Variants in PTPN21 observed in about 807,000 individuals in gnomAD.
PTPN21 encodes tyrosine-protein phosphatase non-receptor type 21.
Under a neutral mutation model 131.8 loss-of-function variants are expected in PTPN21, and 77 were observed. The ratio of observed to expected loss-of-function variants is 0.58; its 90% CI spans 0.49 to 0.71. The LOEUF is 0.71. PTPN21 is among the 30% of genes least tolerant of loss of function. PTPN21 has a pLI of 0.00. For missense variants in PTPN21, 1,552 were observed against 1,527.1 expected, an observed-to-expected ratio of 1.02 and a Z score of -0.27; for synonymous variants, 715 against 621.3, an observed-to-expected ratio of 1.15 and a Z score of -2.24.
intron 12 of PTPN21, among the ~76,000 whole-genome samples, chr14:88,482,570 G>A (rs1047095558): frequency 3.3e-5 from 5 of 152,012 alleles, no homozygotes; most frequent in African/African-American, 1.2e-4. Flanking sequence ...CTAAAATCAT[G>A]CCATTGCACT....
chr14:88,539,345 G>A lies in PTPN21; in HGVS notation c.180+10893C>T, dbSNP rs150282695. 2.9e-3 allele frequency among the ~76,000 whole-genome samples: 438 copies of A among 151,844 alleles called. 1 individual carries two copies. The highest frequency in any genetic ancestry group is 0.01 in the African/African-American group (418 of 41,360). ...ACTCAATGTAACCTCCACCTCTCAG[G>A]TTCAAGCGATTCTCCTGCCTCAGCC... is the stretch of plus-strand genomic sequence containing the variant. On this transcript the variant is annotated intron_variant, in intron 2 of 18. Transcript: ENST00000556564.
rs751609201 is a variant in PTPN21, at chr14:88,550,454, A to T, written c.-37T>A. 6.3e-7 allele frequency: 1 copy of T among 1,589,160 alleles called. No homozygotes were observed. Among genetic ancestry groups the T allele is most frequent in the Non-Finnish European group, 8.6e-7 (1 of 1,161,986 alleles). On this transcript the variant is annotated 5_prime_UTR_variant, in exon 2 of 19. Coordinates refer to ENST00000556564, the MANE Select transcript of PTPN21 (RefSeq NM_007039.4). ...TTCAAGAATGGAGGAGCAAAGAGGG[A>T]AAAGCTACCCCCACCAACCCAGCGC... is the stretch of plus-strand genomic sequence containing the variant.
Position 88,497,287 on chromosome 14 carries a change from C to A in PTPN21, c.768G>T (p.Trp256Cys). 6.2e-7 allele frequency: 1 copy of A among 1,611,754 alleles called. No homozygotes were observed. The highest frequency in any genetic ancestry group is 8.5e-7 in the Non-Finnish European group (1 of 1,177,962). Reference sequence around the variant, plus strand: ...TGTGGGACATGTTGGCAATGTCATGCCACCTAAAGAACAGCAAATAGAGAA... The same window carrying A: ...TGTGGGACATGTTGGCAATGTCATGACACCTAAAGAACAGCAAATAGAGAA... ...KNGRHPVVFR[W>C]HDIANMSHNK... The change falls in exon 9 of 19, where the codon TGG becomes TGT. Residue 256 changes from tryptophan (W) to cysteine (C), a missense_variant. Transcript: ENST00000556564.
At chr14:88,486,676 C>CT (rs1256461003) in intron 10 of PTPN21, among the ~76,000 whole-genome samples, 1 of 152,066 alleles carries the variant, frequency 6.6e-6, no homozygotes, top group Non-Finnish European at 1.5e-5. Context: ...TTTGAATATA[C>CT]TTTTTAAAAA....
chr14:88,480,016 A>T lies in PTPN21; in HGVS notation c.1415T>A (p.Leu472Gln). Residue 472 changes from leucine (L) to glutamine (Q), a missense_variant, in exon 13 of 19, where the codon CTG (leucine) becomes CAG (glutamine). Leu to Gln is a moderately radical substitution (Grantham distance 113). Transcript: ENST00000556564. The part of the protein sequence containing the change: ...LVHAERQSHS[L>Q]RNLNIGSSYA... ...CGAGCTGCCGATGTTGAGGTTTCGC[A>T]GCGAGTGGCTCTGCCGTTCCGCATG... is the stretch of plus-strand genomic sequence containing the variant. The T allele has an allele frequency of 6.2e-7, 1 of 1,613,514 alleles. No homozygotes were observed. The highest frequency in any genetic ancestry group is 1.3e-5 in the African/African-American group (1 of 75,038).
At chr14:88,531,417 C>G (rs546092301) in intron 2 of PTPN21, among the ~76,000 whole-genome samples, 1 of 152,004 alleles carries the variant, frequency 6.6e-6, no homozygotes, top group Non-Finnish European at 1.5e-5. Context: ...ATTAGCCAGG[C>G]ATGGTGGTGC....
chr14:88,478,654 T>C (rs943319982), intron 13 of PTPN21, among the ~76,000 whole-genome samples: 20 of 151,194 alleles, frequency 1.3e-4, no homozygotes, highest in African/African-American at 4.7e-4. Context: ...TCATTCATCT[T>C]TTCCATTTCG....
chr14:88,517,258 T>C lies in PTPN21; in HGVS notation c.184A>G (p.Thr62Ala). Residue 62 changes from threonine (T) to alanine (A), a missense_variant, in exon 3 of 19, where the codon ACT becomes GCT. Transcript: ENST00000556564. Reference protein sequence around the residue: ...VAQRLELREVTYFSLWYYNKQ... With the variant: ...VAQRLELREVAYFSLWYYNKQ... ...TTGTAGTACCAGAGGCTGAAGTAAG[T>C]GACCTGGAAAGACAGAAGGTCATTG... is the stretch of plus-strand genomic sequence containing the variant. 2 of 1,613,822 alleles carry C rather than the reference T, an allele frequency of 1.2e-6. No individual in the cohort carries two copies. Among genetic ancestry groups the C allele is most frequent in the Non-Finnish European group, 1.7e-6 (2 of 1,179,792 alleles).
intron 13 of PTPN21, among the ~76,000 whole-genome samples, chr14:88,474,131 CA>C (rs754719071): frequency 0.017 from 776 of 46,684 alleles, 5 homozygotes; most frequent in African/African-American, 0.052. Flanking sequence ...AGCTGAAGTC[CA>C]AAAAAAAAAA....
chr14:88,482,992 T>C (rs111775034), intron 12 of PTPN21, among the ~76,000 whole-genome samples: 5,595 of 151,690 alleles, frequency 0.037, 344 homozygotes, highest in African/African-American at 0.13. Context: ...GCAGGCGGAT[T>C]ACGAGGTCAG....
intron 10 of PTPN21, among the ~76,000 whole-genome samples, chr14:88,489,133 G>A (rs1313914805): frequency 6.6e-6 from 1 of 152,126 alleles, no homozygotes; most frequent in South Asian, 2.1e-4. Flanking sequence ...TAATCTGTAA[G>A]CTCCGTGGAG....
intron 13 of PTPN21, among the ~76,000 whole-genome samples, chr14:88,476,137 C>T (rs1426359886): frequency 6.6e-6 from 1 of 152,200 alleles, no homozygotes; most frequent in African/African-American, 2.4e-5. Context: ...TCCTACTTGT[C>T]TACAGTTTAT....
intron 2 of PTPN21, among the ~76,000 whole-genome samples, chr14:88,527,244 A>G (rs989364556): frequency 1.2e-4 from 19 of 152,206 alleles, no homozygotes; most frequent in African/African-American, 4.3e-4. Context: ...TGTTTTCCAT[A>G]GTGGTTGTAC....
At chr14:88,544,270 G>A (rs1252272429) in intron 2 of PTPN21, among the ~76,000 whole-genome samples, 1 of 152,024 alleles carries the variant, frequency 6.6e-6, no homozygotes, top group Non-Finnish European at 1.5e-5. Context: ...GCTTGAACCC[G>A]GGAGGCGGAA....
In PTPN21 at chr14:88,504,918, T is replaced by C. The variant is rs537482871; in HGVS notation, c.516+386A>G. On this transcript the variant is annotated intron_variant, in intron 5 of 18. Coordinates refer to ENST00000556564, the MANE Select transcript of PTPN21 (RefSeq NM_007039.4). ...TTATAAAAGTAGAAGGCAGTGTCTT[T>C]GTCATCTACTTTTTAAATTGCTGAT... 2.0e-5 allele frequency among the ~76,000 whole-genome samples: 3 copies of C among 152,234 alleles called. No individual in the cohort carries two copies. In the South Asian group the frequency reaches 6.2e-4, roughly 32 times the overall value.
Position 88,469,005 on chromosome 14 carries a change from G to C in PTPN21, c.3307C>G (p.Pro1103Ala), listed in dbSNP as rs752940621. The C allele has an allele frequency of 6.2e-7, 1 of 1,614,172 alleles. No individual in the cohort carries two copies. Among genetic ancestry groups the C allele is most frequent in the Admixed American group, 1.7e-5 (1 of 60,020 alleles). The change falls in exon 18 of 19, where the codon CCG becomes GCG. Residue 1103 changes from proline (P) to alanine (A), a missense_variant. This residue lies in a region of PTPN21 where 316 missense variants were observed against 378.5 expected (regional missense o/e 0.83). Coordinates refer to ENST00000556564, the MANE Select transcript of PTPN21 (RefSeq NM_007039.4). The surrounding 1 kb of genome is among the most constrained non-coding windows in gnomAD (Gnocchi z 4.3). ...STSDPQSPNP[P>A]LLVHCSAGVG... is the part of the protein sequence containing the mutation. The stretch of plus-strand genomic sequence containing the variant: ...CCAGCACTGCAGTGGACCAACAACG[G>C]AGGGTTGGGGCTTTGGGGATCACTT...
chr14:88,531,031 G>C (rs1416591139), intron 2 of PTPN21, among the ~76,000 whole-genome samples: 8 of 152,094 alleles, frequency 5.3e-5, no homozygotes, highest in African/African-American at 1.4e-4. Context: ...TAGACCATAT[G>C]ATAGGCCACA....
chr14:88,479,529 T>C lies in PTPN21; in HGVS notation c.1902A>G (p.Lys634=), dbSNP rs764760741. Residue 634 remains lysine, a synonymous_variant, in exon 13 of 19, where the codon AAA becomes AAG. Coordinates refer to ENST00000556564, the MANE Select transcript of PTPN21 (RefSeq NM_007039.4). Reference sequence around the variant, plus strand: ...GCCCGGCCACCTCGATGCTGTTCCGTTTGTGCAGCTGCGCGTGGCGCGCGG... The same window carrying C: ...GCCCGGCCACCTCGATGCTGTTCCGCTTGTGCAGCTGCGCGTGGCGCGCGG... ...LTAARHAQLH[K]RNSIEVAGLS... is the part of the protein sequence containing the mutation. 2 of 1,600,420 alleles carry C rather than the reference T, an allele frequency of 1.2e-6. No individual in the cohort carries two copies. Among genetic ancestry groups the C allele is most frequent in the Admixed American group, 3.3e-5 (2 of 59,954 alleles).
rs748792833 is a variant in PTPN21 at position 88,468,182 on chromosome 14, C to T, written c.3480G>A (p.Val1160=). ...TCAGGAACTGGATGAGGACTCTGTA[C>T]ACAAATGTGTACTGGCAGAGAGTCT... The part of the protein sequence containing the change: ...LVQTLCQYTF[V]YRVLIQFLKS... Residue 1160 remains valine, a synonymous_variant, in exon 19 of 19, where the codon GTG becomes GTA. Coordinates refer to ENST00000556564, the MANE Select transcript of PTPN21 (RefSeq NM_007039.4). 1 of 1,613,522 alleles carries T rather than the reference C, an allele frequency of 6.2e-7. No individual in the cohort carries two copies. Among genetic ancestry groups the T allele is most frequent in the Non-Finnish European group, 8.5e-7 (1 of 1,179,518 alleles).
Sources: gnomAD v4.1 joint callset for allele counts (sites outside exome capture counted in the v4.1 genomes callset) on GRCh38, gnomAD v4.1.1 for gene constraint, gnomAD v4.1.1 regional missense constraint, Gnocchi (gnomAD v3.1) non-coding constraint, MANE v1.5 for transcripts, NCBI Gene and HGNC (gene_info 2026-07-23, HGNC 2026-07-21) for gene names.